The following VPS16 variants were observed in gnomAD, a reference collection of about 807,000 sequenced individuals.
VPS16 encodes VPS16 core subunit of CORVET and HOPS complexes.
VPS16 carries 82 observed loss-of-function variants against 116.0 expected under a neutral mutation model. That is an observed-to-expected ratio of 0.71 (90% confidence interval 0.59 to 0.85). VPS16 has a LOEUF of 0.85. Among genes scored for constraint, VPS16 ranks in the 40% least tolerant of loss-of-function variants. The probability of loss-of-function intolerance (pLI) is 0.00; values close to 1 mark genes in which losing one functional copy is unlikely to be tolerated. For missense variants in VPS16, 928 were observed against 1,090.6 expected (o/e 0.85, Z 2.10); for synonymous variants, 406 against 420.7 (o/e 0.96, Z 0.43).
intron 1 of VPS16, among the ~76,000 whole-genome samples, chr20:2,842,678 A>AGATAGATACATCCAGATG (rs1352506165): frequency 7.0e-6 from 1 of 141,922 alleles, no homozygotes; most frequent in African/African-American, 2.8e-5. Context: ...GTATCTATAT[A>AGATAGATACATCCAGATG]TATATAGATA....
chr20:2,853,361 C>A (rs1180702490), intron 1 of VPS16, among the ~76,000 whole-genome samples: 1 of 151,760 alleles, frequency 6.6e-6, no homozygotes, highest in East Asian at 1.9e-4. Context: ...TGCACTCCAG[C>A]CTGGGTGACA....
Position 2,863,711 on chromosome 20 carries a change from G to A in VPS16, c.1477-238G>A, listed in dbSNP as rs1288477896. Among the ~76,000 whole-genome samples, 1 of 152,118 alleles carries A rather than the reference G, an allele frequency of 6.6e-6. No homozygotes were observed. Among genetic ancestry groups the A allele is most frequent in the East Asian group, 1.9e-4 (1 of 5,176 alleles). On this transcript the variant is annotated intron_variant, in intron 15 of 23. Coordinates refer to ENST00000380445, the MANE Select transcript of VPS16 (RefSeq NM_022575.4). This position sits in a 1 kb window ranked among gnomAD's most constrained non-coding sequence, Gnocchi z 4.4. ...TGGGAGGCAGAGGTTGCAGTGAGCTGAGATTGCACTGCTGCACTCCAGCCT... is the reference window on the plus strand; with the variant it reads ...TGGGAGGCAGAGGTTGCAGTGAGCTAAGATTGCACTGCTGCACTCCAGCCT...
At chr20:2,844,078 G>A (rs748005026) in intron 1 of VPS16, among the ~76,000 whole-genome samples, 9 of 152,186 alleles carry the variant, frequency 5.9e-5, no homozygotes, top group Non-Finnish European at 1.0e-4. Context: ...ATTGAGTAGT[G>A]GAGTCAGGCT....
At chr20:2,849,564 G>A (rs1340703530) in intron 1 of VPS16, among the ~76,000 whole-genome samples, 1 of 151,942 alleles carries the variant, frequency 6.6e-6, no homozygotes, top group East Asian at 1.9e-4. Context: ...CTCCCAAAAC[G>A]CTGAGATTAC....
rs745438394 is a variant in VPS16 at position 2,865,334 on chromosome 20, G to T, written c.2174+17G>T. On this transcript the variant is annotated intron_variant, in intron 21 of 23. Transcript: ENST00000380445. The surrounding 1 kb of genome is among the most constrained non-coding windows in gnomAD (Gnocchi z 5.2). ...TGACAAGAGGTAGGTGAGGGCCCAG[G>T]CTGCATGTGGGTCCCAGGACCACCT... The T allele has an allele frequency of 2.5e-6, 4 of 1,614,140 alleles. No individual in the cohort carries two copies. Among genetic ancestry groups the T allele is most frequent in the Non-Finnish European group, 1.7e-6 (2 of 1,179,998 alleles).
At chr20:2,844,320 G>T (rs776620303) in intron 1 of VPS16, among the ~76,000 whole-genome samples, 4 of 152,202 alleles carry the variant, frequency 2.6e-5, no homozygotes, top group Non-Finnish European at 4.4e-5. Flanking sequence ...TACATTTCAA[G>T]TCCTATCTGC....
Position 2,864,354 on chromosome 20 carries a change from C to A in VPS16, c.1721-11C>A. The A allele has an allele frequency of 6.2e-7, 1 of 1,614,184 alleles. No homozygotes were observed. The highest frequency in any genetic ancestry group is 8.5e-7 in the Non-Finnish European group (1 of 1,180,020). ...TGGCTGGAATTCCCACTCCACCTTA[C>A]TCTCCTGCAGTGTTCACGGTGTTGC... On this transcript the variant is annotated splice_polypyrimidine_tract_variant and intron_variant, in intron 17 of 23. Coordinates refer to ENST00000380445, the MANE Select transcript of VPS16 (RefSeq NM_022575.4). The surrounding 1 kb of genome is among the most constrained non-coding windows in gnomAD (Gnocchi z 5.2).
intron 1 of VPS16, among the ~76,000 whole-genome samples, chr20:2,853,039 T>C (rs564116528): frequency 1.3e-5 from 2 of 152,304 alleles, no homozygotes; most frequent in East Asian, 1.9e-4. Flanking sequence ...GTATATGTAA[T>C]ACTCCGAATC....
intron 1 of VPS16, among the ~76,000 whole-genome samples, chr20:2,857,149 G>A (rs1358555928): frequency 6.6e-6 from 1 of 151,856 alleles, no homozygotes; most frequent in African/African-American, 2.4e-5. Flanking sequence ...AGCTAATTTT[G>A]TATTTTTAGT....
At chr20:2,852,374 G>A (rs1293728880) in intron 1 of VPS16, among the ~76,000 whole-genome samples, 2 of 152,100 alleles carry the variant, frequency 1.3e-5, no homozygotes, top group Non-Finnish European at 2.9e-5. Context: ...CAGAACATGG[G>A]TTAAAGGGTG....
chr20:2,862,575 C>A lies in VPS16; in HGVS notation c.1072-4C>A. On this transcript the variant is annotated splice_polypyrimidine_tract_variant and splice_region_variant and intron_variant, in intron 11 of 23. Transcript: ENST00000380445. ...TGCCCTGGCTCTGGACTGCTCCCCA[C>A]CAGAAAGAGAGCCAGAAGGCGGACG... 6.2e-7 allele frequency: 1 copy of A among 1,612,714 alleles called. No individual in the cohort carries two copies. Among genetic ancestry groups the A allele is most frequent in the Non-Finnish European group, 8.5e-7 (1 of 1,179,550 alleles).
chr20:2,854,264 C>CACACACACACACACAA lies in VPS16; in HGVS notation c.54-5454_54-5453insCACACACACACACAAA, dbSNP rs1359113049. ...ACACACACACACACACACACACACA[C>CACACACACACACACAA]AAATTTTTTAGCCAAGTGCACTAGC... is the stretch of plus-strand genomic sequence containing the variant. On this transcript the variant is annotated intron_variant, in intron 1 of 23. Transcript: ENST00000380445. Among the ~76,000 whole-genome samples the CACACACACACACACAA allele has an allele frequency of 3.8e-4, 57 of 150,124 alleles. 1 individual carries two copies. Among genetic ancestry groups the CACACACACACACACAA allele is most frequent in the African/African-American group, 1.4e-3 (55 of 40,612 alleles).
rs61729231 is a variant in VPS16, at chr20:2,864,033, G to A, written c.1561G>A (p.Asp521Asn). Residue 521 changes from aspartate to asparagine, a missense_variant, in exon 16 of 24, where the codon GAC (aspartate) becomes AAC (asparagine). Asp to Asn is a conservative substitution (Grantham distance 23). Coordinates refer to ENST00000380445, the MANE Select transcript of VPS16 (RefSeq NM_022575.4). This position sits in a 1 kb window ranked among gnomAD's most constrained non-coding sequence, Gnocchi z 5.2. ...GGACACGCCTGGTGTCTCTTACTCCGACATTGCTGCACGAGCCTATGGTTG... is the reference window on the plus strand; with the variant it reads ...GGACACGCCTGGTGTCTCTTACTCCAACATTGCTGCACGAGCCTATGGTTG... Reference protein sequence around the residue: ...LGDTPGVSYSDIAARAYGCGR... With the variant: ...LGDTPGVSYSNIAARAYGCGR... 2.3e-3 allele frequency: 3,764 copies of A among 1,614,090 alleles called. 7 individuals are homozygous for A. Among genetic ancestry groups the A allele is most frequent in the Non-Finnish European group, 2.7e-3 (3,222 of 1,180,000 alleles).
chr20:2,845,944 TCTTC>T (rs1168401539), intron 1 of VPS16, among the ~76,000 whole-genome samples: 1 of 152,210 alleles, frequency 6.6e-6, no homozygotes, highest in Non-Finnish European at 1.5e-5. Flanking sequence ...GTCAGAATTT[TCTTC>T]CTTTTCGAGG....
In VPS16 at chr20:2,865,795, G is replaced by C; in HGVS notation, c.2271+300G>C. On this transcript the variant is annotated intron_variant, in intron 22 of 23. Coordinates refer to ENST00000380445, the MANE Select transcript of VPS16 (RefSeq NM_022575.4). This position sits in a 1 kb window ranked among gnomAD's most constrained non-coding sequence, Gnocchi z 5.2. ...GAAAGTCTTGTCTGAGGAGGGTGGA[G>C]GGGGCACAGGGAGGGTGCATATGGG... 1 of 487,606 alleles carries C rather than the reference G, an allele frequency of 2.1e-6. No individual in the cohort carries two copies. Among genetic ancestry groups the C allele is most frequent in the Non-Finnish European group, 3.7e-6 (1 of 270,420 alleles). 30.2% of individuals were successfully genotyped at this position (487,606 alleles called of 1,614,324 possible). A position where few individuals can be genotyped will look rare whatever the true frequency, so the allele number is the denominator to read the frequency against.
rs759803070 is a variant in VPS16, at chr20:2,863,313, C to T, written c.1391C>T (p.Pro464Leu). 12 of 1,614,080 alleles carry T rather than the reference C, an allele frequency of 7.4e-6. No individual in the cohort carries two copies. In the Admixed American group the frequency reaches 1.3e-4, roughly 18 times the overall value. The change falls in exon 15 of 24, where the codon CCC (proline) becomes CTC (leucine). Residue 464 changes from proline (P) to leucine (L), a missense_variant. Transcript: ENST00000380445. This position sits in a 1 kb window ranked among gnomAD's most constrained non-coding sequence, Gnocchi z 4.4. ...LDRLVLRRLY[P>L]LAIQICEYLR... ...AGGCTCGTGTTGCGGAGACTTTACC[C>T]CCTGGCCATCCAGATATGCGAGTAC...
intron 1 of VPS16, among the ~76,000 whole-genome samples, chr20:2,858,623 G>A (rs2089197942): frequency 6.6e-6 from 1 of 151,994 alleles, no homozygotes; most frequent in African/African-American, 2.4e-5. Flanking sequence ...CTTAAACACT[G>A]TCTTCTCTTG....
chr20:2,863,214 T>C lies in VPS16; in HGVS notation c.1368-76T>C. 5.6e-6 allele frequency: 9 copies of C among 1,608,370 alleles called. No individual in the cohort carries two copies. The highest frequency in any genetic ancestry group is 7.7e-6 in the Non-Finnish European group (9 of 1,175,028). On this transcript the variant is annotated intron_variant, in intron 14 of 23. Coordinates refer to ENST00000380445, the MANE Select transcript of VPS16 (RefSeq NM_022575.4). This position sits in a 1 kb window ranked among gnomAD's most constrained non-coding sequence, Gnocchi z 4.4. ...CCTATCTAGGATGTGGGAGGCCTGA[T>C]GTGCAGGCTGAGGCCACTCTGCTCC...
chr20:2,865,793 G>A lies in VPS16; in HGVS notation c.2271+298G>A. 1 of 491,586 alleles carries A rather than the reference G, an allele frequency of 2.0e-6. No individual in the cohort carries two copies. Among genetic ancestry groups the A allele is most frequent in the East Asian group, 3.8e-5 (1 of 26,404 alleles). The allele number at this position is 491,586 out of a possible 1,614,324, so 30.5% of individuals were successfully genotyped here. On this transcript the variant is annotated intron_variant, in intron 22 of 23. Transcript: ENST00000380445. The surrounding 1 kb of genome is among the most constrained non-coding windows in gnomAD (Gnocchi z 5.2). The stretch of plus-strand genomic sequence containing the variant: ...GGGAAAGTCTTGTCTGAGGAGGGTG[G>A]AGGGGGCACAGGGAGGGTGCATATG...
Sources: allele counts gnomAD v4.1 joint callset (sites outside exome capture counted in the v4.1 genomes callset), GRCh38; gene constraint gnomAD v4.1.1; non-coding constraint Gnocchi (gnomAD v3.1); transcripts MANE v1.5; gene names NCBI Gene and HGNC (gene_info 2026-07-23, HGNC 2026-07-21).